DPYD: variants seen among roughly 807,000 people sequenced by gnomAD.
The protein encoded by DPYD is dihydropyrimidine dehydrogenase [NADP(+)].
In DPYD, 109 loss-of-function variants were observed where a neutral mutation model predicts 116.2. The ratio of observed to expected loss-of-function variants is 0.94; its 90% CI spans 0.80 to 1.10. DPYD has a LOEUF of 1.10. Ranked by LOEUF, DPYD falls within the 50% of genes least tolerant of loss-of-function variation. The pLI is 0.00. For missense variants in DPYD, 1,302 were observed against 1,254.5 expected (o/e 1.04, Z -0.57); for synonymous variants, 440 against 432.0 (o/e 1.02, Z -0.23).
chr1:97,420,176 C>T (rs1674505300), intron 14 of DPYD: 1 of 152,084 alleles, frequency 6.6e-6, no homozygotes, highest in South Asian at 2.1e-4. Flanking sequence ...TGCAGGAGGC[C>T]TCCCCCTCCT....
chr1:97,399,882 T>C lies in DPYD; in HGVS notation c.1906-17421A>G, dbSNP rs191600410. On this transcript the variant is annotated intron_variant, in intron 14 of 22. Coordinates refer to ENST00000370192, the MANE Select transcript of DPYD (RefSeq NM_000110.4). ...ATGGCATTTTCTAGATACACGATCATGTCATCTGCAAACAAGGACAATTTG... is the reference window on the plus strand; with the variant it reads ...ATGGCATTTTCTAGATACACGATCACGTCATCTGCAAACAAGGACAATTTG... Among the ~76,000 whole-genome samples, 178 of 152,324 alleles carry C rather than the reference T, an allele frequency of 1.2e-3. 1 individual carries two copies. The highest frequency in any genetic ancestry group is 4.2e-3 in the African/African-American group (175 of 41,580).
chr1:97,508,999 T>C (rs572986021), intron 13 of DPYD, among the ~76,000 whole-genome samples: 1 of 151,876 alleles, frequency 6.6e-6, no homozygotes, highest in Non-Finnish European at 1.5e-5. Context: ...ACAGGCCTAA[T>C]CACGTCAGCT....
intron 20 of DPYD, among the ~76,000 whole-genome samples, chr1:97,150,739 A>G (rs943872199): frequency 5.3e-5 from 8 of 152,138 alleles, no homozygotes; most frequent in Non-Finnish European, 7.4e-5. Flanking sequence ...TCTCTTTTCC[A>G]TTTTCTATTT....
At chr1:97,731,681 C>A (rs1225589892) in intron 4 of DPYD, among the ~76,000 whole-genome samples, 6 of 152,044 alleles carry the variant, frequency 3.9e-5, no homozygotes, top group South Asian at 2.1e-4. Flanking sequence ...TTTCAAATTT[C>A]TTTTCTATAC....
chr1:97,561,791 G>A (rs1417752747), intron 11 of DPYD, among the ~76,000 whole-genome samples: 1 of 152,122 alleles, frequency 6.6e-6, no homozygotes, highest in Admixed American at 6.6e-5. Context: ...CATCCAGCCT[G>A]TTTACTATAA....
intron 14 of DPYD, among the ~76,000 whole-genome samples, chr1:97,428,003 T>C (rs1674969336): frequency 6.6e-6 from 1 of 152,166 alleles, no homozygotes; most frequent in South Asian, 2.1e-4. Context: ...TAAGTATTTA[T>C]GGTTCAGTTA....
At chr1:97,215,946 C>T (rs1244308022) in intron 19 of DPYD, among the ~76,000 whole-genome samples, 7 of 152,152 alleles carry the variant, frequency 4.6e-5, no homozygotes, top group African/African-American at 1.2e-4. Context: ...AGATCACCTG[C>T]GGTAATTGCA....
rs189705413 is a variant in DPYD, at chr1:97,416,529, T to A, written c.1905+33530A>T. Among the ~76,000 whole-genome samples, 558 of 152,354 alleles carry A rather than the reference T, an allele frequency of 3.7e-3. 5 individuals are homozygous for A. The highest frequency in any genetic ancestry group is 4.5e-3 in the Non-Finnish European group (309 of 68,022). On this transcript the variant is annotated intron_variant, in intron 14 of 22. Transcript: ENST00000370192. Reference sequence around the variant, plus strand: ...TTTAGTTCCAAGGTATACAGTGACATGCTTCCATCAGAAATGGATCCTAGA... The same window carrying A: ...TTTAGTTCCAAGGTATACAGTGACAAGCTTCCATCAGAAATGGATCCTAGA...
intron 7 of DPYD, among the ~76,000 whole-genome samples, chr1:97,682,497 A>C (rs1660479618): frequency 6.6e-6 from 1 of 151,988 alleles, no homozygotes; most frequent in African/African-American, 2.4e-5. Flanking sequence ...TGCAAGAAAT[A>C]ATCTATTCTT....
intron 14 of DPYD, among the ~76,000 whole-genome samples, chr1:97,406,976 T>C (rs1384059710): frequency 6.6e-6 from 1 of 152,152 alleles, no homozygotes; most frequent in Non-Finnish European, 1.5e-5. Context: ...ACCTGCAAGG[T>C]TATGGTTCAT....
At chr1:97,517,130 T>A (rs926117646) in intron 12 of DPYD, among the ~76,000 whole-genome samples, 5 of 152,046 alleles carry the variant, frequency 3.3e-5, no homozygotes, top group African/African-American at 1.2e-4. Context: ...ATCAAACTTG[T>A]CAATTGAAAC....
intron 20 of DPYD, among the ~76,000 whole-genome samples, chr1:97,153,226 C>T (rs1349786786): frequency 6.6e-6 from 1 of 152,050 alleles, no homozygotes; most frequent in Non-Finnish European, 1.5e-5. Context: ...AGCTGAATTG[C>T]TATCCAAAGG....
At chr1:97,519,435 C>T (rs1261210856) in intron 12 of DPYD, among the ~76,000 whole-genome samples, 2 of 152,110 alleles carry the variant, frequency 1.3e-5, no homozygotes, top group African/African-American at 4.8e-5. Context: ...CAACGGGTCC[C>T]TCCCACAACA....
At chr1:97,485,376 A>G (rs1678570297) in intron 13 of DPYD, among the ~76,000 whole-genome samples, 1 of 151,878 alleles carries the variant, frequency 6.6e-6, no homozygotes, top group Non-Finnish European at 1.5e-5. Flanking sequence ...TAATTTTTCT[A>G]TGTTTAGTAG....
In DPYD at chr1:97,622,203, C is replaced by T. The variant is rs1188282185; in HGVS notation, c.851-27037G>A. Among the ~76,000 whole-genome samples the T allele has an allele frequency of 2.6e-5, 4 of 151,866 alleles. No homozygotes were observed. In the Admixed American group the frequency reaches 2.6e-4, roughly 10 times the overall value. ...AAAGAGTAATTTTTTAGTGGAGAAA[C>T]CTGACATACACTATGTTAGTCATGA... is the stretch of plus-strand genomic sequence containing the variant. On this transcript the variant is annotated intron_variant, in intron 8 of 22. Transcript: ENST00000370192.
At chr1:97,613,875 G>T (rs1283637347) in intron 8 of DPYD, among the ~76,000 whole-genome samples, 1 of 151,928 alleles carries the variant, frequency 6.6e-6, no homozygotes, top group East Asian at 1.9e-4. Flanking sequence ...ATTTTCCTTT[G>T]TGCATACATA....
chr1:97,235,819 T>G (rs578238709), intron 18 of DPYD, among the ~76,000 whole-genome samples: 2 of 152,238 alleles, frequency 1.3e-5, no homozygotes, highest in East Asian at 3.9e-4. Context: ...TATATGTACT[T>G]CCCACAATTT....
chr1:97,557,073 T>C (rs902874612), intron 11 of DPYD, among the ~76,000 whole-genome samples: 2 of 151,938 alleles, frequency 1.3e-5, no homozygotes, highest in Non-Finnish European at 2.9e-5. Context: ...TGGTATCTCA[T>C]TGTGGTTTTG....
intron 21 of DPYD, among the ~76,000 whole-genome samples, chr1:97,093,285 T>C (rs185833429): frequency 1.3e-5 from 2 of 152,342 alleles, no homozygotes; most frequent in Admixed American, 1.3e-4. Flanking sequence ...AGTGCATTGC[T>C]TATCTCATGG....
Sources: gnomAD v4.1 joint callset for allele counts (sites outside exome capture counted in the v4.1 genomes callset) on GRCh38, gnomAD v4.1.1 for gene constraint, MANE v1.5 for transcripts, NCBI Gene and HGNC (gene_info 2026-07-23, HGNC 2026-07-21) for gene names.